GGA1: variants seen among roughly 807,000 people sequenced by gnomAD.
GGA1 encodes the protein golgi associated, gamma adaptin ear containing, ARF binding protein 1.
Under a neutral mutation model 76.9 loss-of-function variants are expected in GGA1, and 18 were observed. The ratio of observed to expected loss-of-function variants is 0.23; its 90% CI spans 0.16 to 0.35. GGA1 has a LOEUF of 0.35. Ranked by LOEUF, GGA1 falls within the 10% of genes least tolerant of loss-of-function variation. The pLI, the probability that GGA1 is intolerant of heterozygous loss-of-function variation, is 1.00. For missense variants in GGA1, 755 were observed against 859.0 expected (o/e 0.88, Z 1.51); for synonymous variants, 342 against 354.7 (o/e 0.96, Z 0.40).
chr22:37,629,511 A>G lies in GGA1; in HGVS notation c.1143A>G (p.Gly381=). 6.3e-7 allele frequency: 1 copy of G among 1,581,716 alleles called. No individual in the cohort carries two copies. The highest frequency in any genetic ancestry group is 1.2e-5 in the South Asian group (1 of 86,248). ...PPSGPSLDGT[G]WNSFQSSDAT... ...CAGGCCCAAGCCTGGATGGTACCGG[A>G]TGGAACAGCTTCCAGGTAGGAGGGG... Residue 381 remains glycine (G), a synonymous_variant, in exon 12 of 17, where the codon GGA becomes GGG. Coordinates refer to ENST00000343632, the MANE Select transcript of GGA1 (RefSeq NM_013365.5).
chr22:37,614,135 G>A (rs982109153), intron 1 of GGA1, 55 bp from the exon 2 acceptor site: 4 of 1,195,618 alleles, frequency 3.3e-6, no homozygotes, highest in Middle Eastern at 1.9e-4. Context: ...GGTCAGGAGT[G>A]GAAGAGCAGG....
At position 37,633,469 on chromosome 22, in the gene GGA1, T is replaced by TA. The variant is rs1267734254; in HGVS notation, c.*759dup. 1 of 152,112 alleles carries TA rather than the reference T, an allele frequency of 6.6e-6. No homozygotes were observed. The highest frequency in any genetic ancestry group is 2.4e-5 in the African/African-American group (1 of 41,404). 9.4% of individuals were successfully genotyped at this position (152,112 alleles called of 1,614,324 possible). A position where few individuals can be genotyped will look rare whatever the true frequency, so the allele number is the denominator to read the frequency against. On this transcript the variant is annotated 3_prime_UTR_variant, in exon 17 of 17. Transcript: ENST00000343632. Reference sequence around the variant, plus strand: ...CTGCTGGGGCCTCCTATGGGTGTCTTACGTCTGTCCATCCATCTGTCCGTG... The same window carrying TA: ...CTGCTGGGGCCTCCTATGGGTGTCTTAACGTCTGTCCATCCATCTGTCCGTG...
At position 37,621,642 on chromosome 22, in the gene GGA1, C is replaced by G; in HGVS notation, c.555C>G (p.Ser185=). The G allele has an allele frequency of 1.9e-6, 3 of 1,554,036 alleles. No individual in the cohort carries two copies. The highest frequency in any genetic ancestry group is 2.6e-6 in the Non-Finnish European group (3 of 1,148,156). ...TGCTGGCCCGCCTGCTGAAGAGCTC[C>G]CATCCCGAAGACCTCCGCGCAGCCA... ...SKMLARLLKS[S]HPEDLRAANK... is the part of the protein sequence containing the mutation. Residue 185 remains serine, a synonymous_variant, in exon 7 of 17, where the codon TCC becomes TCG. Coordinates refer to ENST00000343632, the MANE Select transcript of GGA1 (RefSeq NM_013365.5).
At chr22:37,618,298 T>C in intron 3 of GGA1, 150 bp from the exon 4 acceptor site, 1 of 604,770 alleles carries the variant, frequency 1.7e-6, no homozygotes, top group Non-Finnish European at 3.0e-6. Flanking sequence ...CCCAGAGGCC[T>C]GTGTGACTCT....
intron 1 of GGA1, chr22:37,612,784 A>G: frequency 2.2e-6 from 1 of 448,720 alleles, no homozygotes; most frequent in Middle Eastern, 1.1e-3. Context: ...AAAAAAAAAA[A>G]AAATCCATAT....
At position 37,614,285 on chromosome 22, in the gene GGA1, G is replaced by T. The variant is rs375071704; in HGVS notation, c.128+11G>T. 25 of 1,591,900 alleles carry T rather than the reference G, an allele frequency of 1.6e-5. No homozygotes were observed. Among genetic ancestry groups the T allele is most frequent in the Non-Finnish European group, 1.7e-5 (20 of 1,159,956 alleles). The stretch of plus-strand genomic sequence containing the variant: ...CGAGGACTTTGAGGGGTAGGTGGCC[G>T]TCCCCACTTGTTTGCACTGCCCTGC... On this transcript the variant is annotated intron_variant, in intron 2 of 16. Transcript: ENST00000343632.
chr22:37,622,203 C>T (rs1930023243), intron 7 of GGA1, among the ~76,000 whole-genome samples: 1 of 151,760 alleles, frequency 6.6e-6, no homozygotes, highest in Non-Finnish European at 1.5e-5. Flanking sequence ...CTCAACCTCC[C>T]AGGCCGCTGG....
At chr22:37,617,576 G>T in intron 3 of GGA1, 1 of 971,178 alleles carries the variant, frequency 1.0e-6, no homozygotes, top group South Asian at 4.7e-5. Context: ...GCTTATACCT[G>T]TAATTTCAGC....
At chr22:37,613,668 G>A (rs924727686) in intron 1 of GGA1, among the ~76,000 whole-genome samples, 34 of 151,398 alleles carry the variant, frequency 2.2e-4, no homozygotes, top group African/African-American at 8.0e-4. Flanking sequence ...CAAAGTGCTG[G>A]GATTACAGGC....
intron 3 of GGA1, chr22:37,617,417 T>C (rs902506686): frequency 2.8e-6 from 3 of 1,063,752 alleles, no homozygotes; most frequent in Non-Finnish European, 3.4e-6. Context: ...AGGTTTTGCA[T>C]CTGTTCAATA....
intron 12 of GGA1, 38 bp downstream of exon 12, chr22:37,629,564 T>TC: frequency 7.6e-7 from 1 of 1,317,032 alleles, no homozygotes; most frequent in Non-Finnish European, 1.1e-6. Flanking sequence ...CCTGTCCCAG[T>TC]CCCAGGGTCA....
In GGA1 at chr22:37,623,385, A is replaced by G. The variant is rs369700552; in HGVS notation, c.668A>G (p.Asn223Ser). ...GTGAATGCCATCGAGGAGGTGAACA[A>G]CAATGTGAAACTGCTCACGGAGATG... ...KRVNAIEEVN[N>S]NVKLLTEMVM... The change falls in exon 8 of 17, where the codon AAC becomes AGC. Residue 223 changes from asparagine (N) to serine (S), a missense_variant. Physicochemically the swap from Asn to Ser is conservative, Grantham distance 46. Transcript: ENST00000343632. This position sits in a 1 kb window ranked among gnomAD's most constrained non-coding sequence, Gnocchi z 4.6. 5.0e-6 allele frequency: 8 copies of G among 1,613,814 alleles called. 1 individual carries two copies. The African/African-American group carries it at 5.3e-5, about 11-fold the overall frequency.
intron 2 of GGA1, among the ~76,000 whole-genome samples, chr22:37,615,213 A>G (rs1465673563): frequency 2.0e-5 from 3 of 152,222 alleles, no homozygotes; most frequent in Non-Finnish European, 4.4e-5. Flanking sequence ...TGGGAGGCCA[A>G]GGCAGGTGGA....
intron 1 of GGA1, among the ~76,000 whole-genome samples, chr22:37,610,921 A>G (rs562355103): frequency 1.3e-5 from 2 of 152,296 alleles, no homozygotes; most frequent in Admixed American, 6.5e-5. Flanking sequence ...AGGCAGGGGG[A>G]GAAAGATGAT....
rs1023581830 is a variant in GGA1, at chr22:37,624,701, G to C, written c.833-268G>C. On this transcript the variant is annotated intron_variant, in intron 9 of 16. Coordinates refer to ENST00000343632, the MANE Select transcript of GGA1 (RefSeq NM_013365.5). This position sits in a 1 kb window ranked among gnomAD's most constrained non-coding sequence, Gnocchi z 4.3. ...AGAGATCTGGGGCAGCCAGAGAGCA[G>C]AGCTGGAGTGGAGGCCTGGAGGCGG... 3 of 412,546 alleles carry C rather than the reference G, an allele frequency of 7.3e-6. No homozygotes were observed. The highest frequency in any genetic ancestry group is 6.8e-5 in the South Asian group (3 of 44,392). The allele number at this position is 412,546 out of a possible 1,614,324, so 25.6% of individuals were successfully genotyped here. A position where few individuals can be genotyped will look rare whatever the true frequency, so the allele number is the denominator to read the frequency against.
At chr22:37,629,735 C>T (rs529479365) in intron 12 of GGA1, among the ~76,000 whole-genome samples, 2 of 152,310 alleles carry the variant, frequency 1.3e-5, no homozygotes, top group South Asian at 4.1e-4. Flanking sequence ...AGCCTTGGGG[C>T]TGCAGCCCAG....
Position 37,625,326 on chromosome 22 carries a change from C to G in GGA1, c.940+250C>G, listed in dbSNP as rs1930624559. On this transcript the variant is annotated intron_variant, in intron 10 of 16. Transcript: ENST00000343632. The surrounding 1 kb of genome is among the most constrained non-coding windows in gnomAD (Gnocchi z 4.1). ...AGGCAGAAGAAGGAAGGCATTCTTT[C>G]ATTTGACAAATCTGGCACCTGTTGT... Among the ~76,000 whole-genome samples the G allele has an allele frequency of 6.6e-6, 1 of 152,096 alleles. No individual in the cohort carries two copies. The highest frequency in any genetic ancestry group is 2.4e-5 in the African/African-American group (1 of 41,396).
rs538613158 is a variant in GGA1 at position 37,626,217 on chromosome 22, G to C, written c.1093+268G>C. On this transcript the variant is annotated intron_variant, in intron 11 of 16. Coordinates refer to ENST00000343632, the MANE Select transcript of GGA1 (RefSeq NM_013365.5). ...CCAGCATTCAGGCTCTGGCAGCCTGGGGGGAAACCAGGGGATTTCCCCGCA... is the reference window on the plus strand; with the variant it reads ...CCAGCATTCAGGCTCTGGCAGCCTGCGGGGAAACCAGGGGATTTCCCCGCA... 2.6e-5 allele frequency: 9 copies of C among 345,390 alleles called. No individual in the cohort carries two copies. In the East Asian group the frequency reaches 3.0e-4, roughly 12 times the overall value. 21.4% of individuals were successfully genotyped at this position (345,390 alleles called of 1,614,324 possible). A position where few individuals can be genotyped will look rare whatever the true frequency, so the allele number is the denominator to read the frequency against.
intron 1 of GGA1, among the ~76,000 whole-genome samples, chr22:37,613,404 G>T (rs528613927): frequency 6.6e-6 from 1 of 150,462 alleles, no homozygotes; most frequent in Non-Finnish European, 1.5e-5. Context: ...TTTTTTGTTT[G>T]TTTGAGACGG....
Sources: gnomAD v4.1 joint callset for allele counts (sites outside exome capture counted in the v4.1 genomes callset) on GRCh38, gnomAD v4.1.1 for gene constraint, Gnocchi (gnomAD v3.1) non-coding constraint, MANE v1.5 for transcripts, NCBI Gene and HGNC (gene_info 2026-07-23, HGNC 2026-07-21) for gene names.